The following USH1C variants were observed in gnomAD, a reference collection of about 807,000 sequenced individuals.
USH1C encodes the protein harmonin.
In USH1C, 90 loss-of-function variants were observed where a neutral mutation model predicts 119.3. That is an observed-to-expected ratio of 0.75 (90% CI 0.64 to 0.90). USH1C has a LOEUF of 0.90. USH1C is among the 40% of genes least tolerant of loss of function. The pLI, the probability that USH1C is intolerant of heterozygous loss-of-function variation, is 0.00. For synonymous variants in USH1C, 465 were observed against 443.3 expected, an observed-to-expected ratio of 1.05 and a Z score of -0.62; for missense variants, 1,165 against 1,167.7, an observed-to-expected ratio of 1.00 and a Z score of 0.03.
In USH1C at chr11:17,522,833, C is replaced by CTT; in HGVS notation, c.969_970insAA (p.Ala324LysfsTer42). ...TGGAGGATCTTGTTGGACTCCATCG[C>CTT]CAGCCGCTTCTGCATGAGAAGCTCC... On this transcript the variant is annotated frameshift_variant, in exon 12 of 27. Transcript: ENST00000005226. LOFTEE classifies it high-confidence loss of function. The CTT allele has an allele frequency of 6.2e-7, 1 of 1,613,784 alleles. No homozygotes were observed. Among genetic ancestry groups the CTT allele is most frequent in the Non-Finnish European group, 8.5e-7 (1 of 1,179,902 alleles).
At chr11:17,513,111 C>T (rs1849965431) in intron 15 of USH1C, among the ~76,000 whole-genome samples, 1 of 152,200 alleles carries the variant, frequency 6.6e-6, no homozygotes, top group Admixed American at 6.5e-5. Context: ...TGTCAGACAT[C>T]TTGTAACTGA....
rs149510892 is a variant in USH1C at position 17,509,463 on chromosome 11, G to C, written c.1906C>G (p.Arg636Gly). ...ACTGGATTGCCTGTGTCCCCAGTGC[G>C]GAAGGGATGGTTGCTCAGTGCTTCT... ...LEEALSNHPF[R>G]TGDTGNPVED... The change falls in exon 18 of 27, where the codon CGC becomes GGC. Residue 636 changes from arginine to glycine, a missense_variant. By Grantham distance (125) the Arg-to-Gly change is moderately radical. Coordinates refer to ENST00000005226, the MANE Select transcript of USH1C (RefSeq NM_153676.4). The C allele has an allele frequency of 1.9e-6, 3 of 1,613,340 alleles. No homozygotes were observed. Among genetic ancestry groups the C allele is most frequent in the Admixed American group, 3.3e-5 (2 of 59,948 alleles).
intron 23 of USH1C, among the ~76,000 whole-genome samples, chr11:17,499,318 C>T (rs945215750): frequency 6.6e-5 from 10 of 152,216 alleles, no homozygotes; most frequent in Admixed American, 2.0e-4. Context: ...TTAAAACACA[C>T]GTGCTCCTAG....
chr11:17,525,707 G>A (rs1850638020), intron 8 of USH1C, among the ~76,000 whole-genome samples: 1 of 152,214 alleles, frequency 6.6e-6, no homozygotes, highest in South Asian at 2.1e-4. Context: ...AAGCCAACAA[G>A]TTAATAAGTG....
chr11:17,541,029 G>C (rs1403859081), intron 1 of USH1C, among the ~76,000 whole-genome samples: 1 of 152,122 alleles, frequency 6.6e-6, no homozygotes, highest in Non-Finnish European at 1.5e-5. Flanking sequence ...GCGGGCATCT[G>C]CTTGCCTCAG....
chr11:17,527,118 TCCCCCGC>T, intron 5 of USH1C, 78 bp from the exon 6 acceptor site: 1 of 855,714 alleles, frequency 1.2e-6, no homozygotes, highest in South Asian at 2.8e-5. Context: ...ACTGACCTGC[TCCCCCGC>T]CCTCCCTCCC....
intron 14 of USH1C, chr11:17,517,291 G>A: frequency 8.1e-6 from 9 of 1,114,306 alleles, no homozygotes; most frequent in Non-Finnish European, 1.2e-5. Flanking sequence ...GACTCTATTG[G>A]CCCCCACACA....
chr11:17,501,664 G>T (rs960689794), intron 21 of USH1C, 129 bp from the exon 22 acceptor site: 11 of 1,136,584 alleles, frequency 9.7e-6, no homozygotes, highest in Non-Finnish European at 1.3e-5. Flanking sequence ...AGGGGACCGT[G>T]CCCAGCCCCA....
At chr11:17,543,205 T>C (rs1851545103) in intron 1 of USH1C, among the ~76,000 whole-genome samples, 1 of 152,352 alleles carries the variant, frequency 6.6e-6, no homozygotes, top group African/African-American at 2.4e-5. Flanking sequence ...CTTGGGCTCC[T>C]ATGGGCCTCT....
chr11:17,536,864 T>C (rs1851250539), intron 1 of USH1C, among the ~76,000 whole-genome samples: 2 of 152,252 alleles, frequency 1.3e-5, no homozygotes, highest in African/African-American at 4.8e-5. Flanking sequence ...AAAATAGATC[T>C]GGTTTGTGTA....
chr11:17,502,042 G>C, intron 20 of USH1C, 62 bp from the exon 21 acceptor site: 1 of 1,552,758 alleles, frequency 6.4e-7, no homozygotes, highest in Non-Finnish European at 8.8e-7. Flanking sequence ...CAGAGCCGAG[G>C]AGTAGGGGGA....
rs2133761724 is a variant in USH1C, at chr11:17,495,193, C to A, written c.2655+376G>T. 5 of 317,362 alleles carry A rather than the reference C, an allele frequency of 1.6e-5. No homozygotes were observed. The South Asian group carries it at 1.7e-4, about 11-fold the overall frequency. 19.7% of individuals were successfully genotyped at this position (317,362 alleles called of 1,614,324 possible). ...TTGGGGGCAATTCCAGCCAGGCTTC[C>A]TGTGGGCTCCTTCAGCCCCACATGC... On this transcript the variant is annotated intron_variant, in intron 26 of 26. Coordinates refer to ENST00000005226, the MANE Select transcript of USH1C (RefSeq NM_153676.4).
intron 12 of USH1C, 135 bp downstream of exon 12, chr11:17,522,649 T>A: frequency 7.5e-7 from 1 of 1,335,880 alleles, no homozygotes. Flanking sequence ...ACCACCAAAC[T>A]CATCTGGTCT....
chr11:17,497,316 G>T (rs1004017987), intron 24 of USH1C, among the ~76,000 whole-genome samples: 1 of 152,060 alleles, frequency 6.6e-6, no homozygotes, highest in African/African-American at 2.4e-5. Flanking sequence ...CTTGGCTTAG[G>T]TGTATCCCCT....
intron 1 of USH1C, among the ~76,000 whole-genome samples, chr11:17,538,740 G>A (rs1305804056): frequency 1.3e-5 from 2 of 152,090 alleles, no homozygotes; most frequent in Admixed American, 6.5e-5. Context: ...TTCAGCCATC[G>A]GGAGGCACAA....
intron 1 of USH1C, chr11:17,533,741 A>G (rs761040625): frequency 2.1e-6 from 1 of 465,328 alleles, no homozygotes; most frequent in South Asian, 1.5e-5. Flanking sequence ...GTAGTGCCGG[A>G]TAAATGCTTT....
At chr11:17,526,158 G>T (rs1850659614) in intron 8 of USH1C, among the ~76,000 whole-genome samples, 189 bp downstream of exon 8, 1 of 152,184 alleles carries the variant, frequency 6.6e-6, no homozygotes, top group Non-Finnish European at 1.5e-5. Context: ...CTATGATCAT[G>T]CCACTGCACT....
Position 17,509,353 on chromosome 11 carries a change from T to C in USH1C, c.2013+3A>G. The C allele has an allele frequency of 6.4e-7, 1 of 1,572,808 alleles. No individual in the cohort carries two copies. The highest frequency in any genetic ancestry group is 8.7e-7 in the Non-Finnish European group (1 of 1,154,708). ...AACATAGCATGCAGAACAGGGACAT[T>C]ACCTTTGGGGTGGGTGGGAAGCTCT... is the stretch of plus-strand genomic sequence containing the variant. On this transcript the variant is annotated splice_donor_region_variant and intron_variant, in intron 18 of 26. Transcript: ENST00000005226.
chr11:17,500,569 C>T (rs79133938), intron 23 of USH1C, among the ~76,000 whole-genome samples: 5 of 152,156 alleles, frequency 3.3e-5, no homozygotes, highest in Non-Finnish European at 7.4e-5. Flanking sequence ...GGCAAGGTTT[C>T]GGGGGTTTCC....
Sources: gnomAD v4.1 joint callset for allele counts (sites outside exome capture counted in the v4.1 genomes callset) on GRCh38, gnomAD v4.1.1 for gene constraint, MANE v1.5 for transcripts, NCBI Gene and HGNC (gene_info 2026-07-23, HGNC 2026-07-21) for gene names.